HIBADH: variants seen among roughly 807,000 people sequenced by gnomAD.
The protein encoded by HIBADH is 3-hydroxyisobutyrate dehydrogenase, mitochondrial.
In HIBADH, 25 loss-of-function variants were observed where a neutral mutation model predicts 36.1. That is an observed-to-expected ratio of 0.69 (90% confidence interval 0.50 to 0.97). The LOEUF (loss-of-function observed/expected upper bound fraction) is 0.97, where lower values mean the gene tolerates loss of function less well. Among genes scored for constraint, HIBADH ranks in the 50% least tolerant of loss-of-function variants. The pLI is 0.00. For missense variants in HIBADH, 421 were observed against 418.0 expected (o/e 1.01, Z -0.06); for synonymous variants, 160 against 149.5 (o/e 1.07, Z -0.51).
intron 2 of HIBADH, among the ~76,000 whole-genome samples, chr7:27,646,996 A>G (rs1188606690): frequency 2.6e-5 from 4 of 152,138 alleles, no homozygotes; most frequent in Non-Finnish European, 2.9e-5. Context: ...GCGCCCAGCC[A>G]GTTTTTCTTT....
At chr7:27,661,492 G>A (rs931433113) in intron 1 of HIBADH, among the ~76,000 whole-genome samples, 9 of 151,302 alleles carry the variant, frequency 5.9e-5, no homozygotes, top group African/African-American at 1.5e-4. Flanking sequence ...GGAGGCTGAG[G>A]TGGGAGGATC....
At chr7:27,616,011 T>C (rs970228386) in intron 4 of HIBADH, among the ~76,000 whole-genome samples, 2 of 152,148 alleles carry the variant, frequency 1.3e-5, no homozygotes, top group Non-Finnish European at 2.9e-5. Context: ...TTATAAAGAA[T>C]AGAGGTTTAT....
At chr7:27,551,569 T>C (rs1325482902) in intron 4 of HIBADH, among the ~76,000 whole-genome samples, 1 of 152,174 alleles carries the variant, frequency 6.6e-6, no homozygotes, top group Non-Finnish European at 1.5e-5. Context: ...CAAAGAATTA[T>C]GATAGATAAA....
At chr7:27,607,515 A>G (rs1205690176) in intron 4 of HIBADH, among the ~76,000 whole-genome samples, 1 of 152,184 alleles carries the variant, frequency 6.6e-6, no homozygotes, top group Non-Finnish European at 1.5e-5. Flanking sequence ...TCTCAAAAAA[A>G]AACAAAAAAA....
intron 2 of HIBADH, among the ~76,000 whole-genome samples, chr7:27,640,019 G>A (rs1785932947): frequency 6.6e-6 from 1 of 152,118 alleles, no homozygotes; most frequent in East Asian, 1.9e-4. Flanking sequence ...AATTTATCAG[G>A]CCCAGAGAGA....
Position 27,576,801 on chromosome 7 carries a change from A to C in HIBADH, c.485-33701T>G, listed in dbSNP as rs73686444. 7.0e-3 allele frequency among the ~76,000 whole-genome samples: 1,073 copies of C among 152,278 alleles called. 8 individuals are homozygous for C. Among genetic ancestry groups the C allele is most frequent in the African/African-American group, 0.02 (824 of 41,554 alleles). ...TTATGATCGAGCACCTATTTGTGAA[A>C]CCGTGGGGCTGGGTGTTTGGGGTAT... On this transcript the variant is annotated intron_variant, in intron 4 of 7. Coordinates refer to ENST00000265395, the MANE Select transcript of HIBADH (RefSeq NM_152740.4).
At chr7:27,561,268 G>C (rs1784462943) in intron 4 of HIBADH, among the ~76,000 whole-genome samples, 1 of 152,012 alleles carries the variant, frequency 6.6e-6, no homozygotes, top group Admixed American at 6.5e-5. Flanking sequence ...CTCAAAACTT[G>C]CATTCTCAGT....
chr7:27,610,778 G>A lies in HIBADH; in HGVS notation c.484+18593C>T, dbSNP rs542337505. Reference sequence around the variant, plus strand: ...AAGTTATAAACTTCTCTAAGAAAACGTTTTAATGGAAATGCCAAAAGACCC... The same window carrying A: ...AAGTTATAAACTTCTCTAAGAAAACATTTTAATGGAAATGCCAAAAGACCC... On this transcript the variant is annotated intron_variant, in intron 4 of 7. Transcript: ENST00000265395. 9.2e-5 allele frequency among the ~76,000 whole-genome samples: 14 copies of A among 152,208 alleles called. No homozygotes were observed. In the South Asian group the frequency reaches 2.7e-3, roughly 29 times the overall value.
chr7:27,564,402 A>G (rs1305466171), intron 4 of HIBADH, among the ~76,000 whole-genome samples: 1 of 152,188 alleles, frequency 6.6e-6, no homozygotes, highest in Non-Finnish European at 1.5e-5. Flanking sequence ...TAATATATGT[A>G]GAATTGTTTA....
rs1010758211 is a variant in HIBADH at position 27,564,400 on chromosome 7, G to A, written c.485-21300C>T. The stretch of plus-strand genomic sequence containing the variant: ...CAACAACCTTTTTTTCTTAATATAT[G>A]TAGAATTGTTTATCATTTGTCGAAA... On this transcript the variant is annotated intron_variant, in intron 4 of 7. Transcript: ENST00000265395. Among the ~76,000 whole-genome samples, 14 of 151,948 alleles carry A rather than the reference G, an allele frequency of 9.2e-5. 1 individual carries two copies. The highest frequency in any genetic ancestry group is 8.5e-4 in the Admixed American group (13 of 15,274).
chr7:27,571,930 C>T (rs1784634051), intron 4 of HIBADH, among the ~76,000 whole-genome samples: 2 of 152,152 alleles, frequency 1.3e-5, no homozygotes, highest in Middle Eastern at 3.2e-3. Context: ...TATTTCTCAA[C>T]CTGTAACCAG....
rs568135513 is a variant in HIBADH, at chr7:27,628,804, ATATT to A, written c.484+563_484+566del. 3.5e-3 allele frequency among the ~76,000 whole-genome samples: 529 copies of A among 152,160 alleles called. 1 individual carries two copies. Among genetic ancestry groups the A allele is most frequent in the Middle Eastern group, 0.01 (3 of 294 alleles). ...CTACATTCATGACTAAAATAAACCT[ATATT>A]TATTTTTTCTCTTTTATAACATTTC... is the stretch of plus-strand genomic sequence containing the variant. On this transcript the variant is annotated intron_variant, in intron 4 of 7. Coordinates refer to ENST00000265395, the MANE Select transcript of HIBADH (RefSeq NM_152740.4).
intron 4 of HIBADH, among the ~76,000 whole-genome samples, chr7:27,607,472 G>A (rs1242764244): frequency 6.6e-6 from 1 of 151,946 alleles, no homozygotes; most frequent in Non-Finnish European, 1.5e-5. Context: ...TCACGCCACT[G>A]AACTCCAGCC....
In HIBADH at chr7:27,550,519, A is replaced by G. The variant is rs192246688; in HGVS notation, c.485-7419T>C. Among the ~76,000 whole-genome samples, 495 of 149,940 alleles carry G rather than the reference A, an allele frequency of 3.3e-3. 3 individuals are homozygous for G. The highest frequency in any genetic ancestry group is 0.011 in the African/African-American group (455 of 41,432). ...TTTGCAATGGCCAGAATGTGCAATG[A>G]TTTTTCATGCACCCATGCCTATCTT... On this transcript the variant is annotated intron_variant, in intron 4 of 7. Transcript: ENST00000265395.
At chr7:27,627,316 C>T (rs1214931908) in intron 4 of HIBADH, among the ~76,000 whole-genome samples, 1 of 152,208 alleles carries the variant, frequency 6.6e-6, no homozygotes, top group Admixed American at 6.5e-5. Flanking sequence ...GTTTCTTCAT[C>T]TCCCTGTCCC....
intron 3 of HIBADH, among the ~76,000 whole-genome samples, chr7:27,631,033 A>C (rs1785737853): frequency 6.6e-6 from 1 of 152,230 alleles, no homozygotes; most frequent in Admixed American, 6.5e-5. Context: ...AGAATCACCC[A>C]TAAGAAGCAA....
At chr7:27,651,175 T>A (rs960823137) in intron 1 of HIBADH, among the ~76,000 whole-genome samples, 4 of 152,326 alleles carry the variant, frequency 2.6e-5, no homozygotes, top group African/African-American at 9.6e-5. Flanking sequence ...TGAATCTGAA[T>A]GGAATGAGAT....
intron 1 of HIBADH, among the ~76,000 whole-genome samples, chr7:27,660,795 G>A (rs1008012549): frequency 2.0e-5 from 3 of 152,166 alleles, no homozygotes; most frequent in Non-Finnish European, 2.9e-5. Flanking sequence ...AGAACCCAAA[G>A]TACAAGACCA....
chr7:27,645,671 C>T (rs1786056200), intron 2 of HIBADH, among the ~76,000 whole-genome samples: 1 of 152,056 alleles, frequency 6.6e-6, no homozygotes, highest in African/African-American at 2.4e-5. Context: ...CATAAGCCAC[C>T]TCACCCGGCT....
Sources: gnomAD v4.1 joint callset for allele counts (sites outside exome capture counted in the v4.1 genomes callset) on GRCh38, gnomAD v4.1.1 for gene constraint, MANE v1.5 for transcripts, NCBI Gene and HGNC (gene_info 2026-07-23, HGNC 2026-07-21) for gene names.